MYO9A: variants seen among roughly 807,000 people sequenced by gnomAD.
MYO9A encodes the protein myosin IXA.
In MYO9A, 103 loss-of-function variants were observed where a neutral mutation model predicts 293.3. The ratio of observed to expected loss-of-function variants is 0.35; its 90% CI spans 0.30 to 0.41. The LOEUF (loss-of-function observed/expected upper bound fraction) is 0.41, where lower values mean the gene tolerates loss of function less well. Among genes scored for constraint, MYO9A ranks in the 10% least tolerant of loss-of-function variants. The probability of loss-of-function intolerance (pLI) is 1.00; values close to 1 mark genes in which losing one functional copy is unlikely to be tolerated. For synonymous variants in MYO9A, 1,001 were observed against 1,035.7 expected (o/e 0.97, Z 0.64); for missense variants, 2,685 against 3,033.0 (o/e 0.89, Z 2.69).
chr15:72,073,010 A>T (rs2079241535), intron 1 of MYO9A, among the ~76,000 whole-genome samples: 2 of 152,234 alleles, frequency 1.3e-5, no homozygotes, highest in South Asian at 4.1e-4. Flanking sequence ...GGACATTATT[A>T]TTCTCTGACC....
At position 71,878,197 on chromosome 15, in the gene MYO9A, A is replaced by G; in HGVS notation, c.5774T>C (p.Leu1925Pro). 2 of 1,601,576 alleles carry G rather than the reference A, an allele frequency of 1.2e-6. No individual in the cohort carries two copies. The highest frequency in any genetic ancestry group is 1.1e-5 in the South Asian group (1 of 88,544). The change falls in exon 31 of 42, where the codon CTC becomes CCC. Residue 1925 changes from leucine (L) to proline (P), a missense_variant. Coordinates refer to ENST00000356056, the MANE Select transcript of MYO9A (RefSeq NM_006901.4). Reference sequence around the variant, plus strand: ...CAGAATCTGTTCAAATAGTGCATAGAGGTCTTTATACCGTATGCTTTTCCC... The same window carrying G: ...CAGAATCTGTTCAAATAGTGCATAGGGGTCTTTATACCGTATGCTTTTCCC... ...DDGKSIRYKD[L>P]YALFEQILEK... is the part of the protein sequence containing the mutation.
intron 1 of MYO9A, among the ~76,000 whole-genome samples, chr15:72,093,125 A>T (rs1363881153): frequency 6.6e-6 from 1 of 152,254 alleles, no homozygotes; most frequent in East Asian, 1.9e-4. Context: ...AAAATTTCAG[A>T]TATTAGAAAA....
At chr15:71,865,981 C>T (rs1338732222) in intron 32 of MYO9A, among the ~76,000 whole-genome samples, 1 of 152,108 alleles carries the variant, frequency 6.6e-6, no homozygotes, top group Non-Finnish European at 1.5e-5. Context: ...ATATAATTAA[C>T]GTTTTTATTA....
intron 13 of MYO9A, among the ~76,000 whole-genome samples, chr15:71,961,167 T>C (rs2075729825): frequency 6.6e-6 from 1 of 152,220 alleles, no homozygotes; most frequent in African/African-American, 2.4e-5. Flanking sequence ...TAAGAACTGC[T>C]AGTAACTTGG....
Position 72,045,903 on chromosome 15 carries a change from C to T in MYO9A, c.661G>A (p.Val221Ile). The T allele has an allele frequency of 6.2e-7, 1 of 1,614,112 alleles. No individual in the cohort carries two copies. The highest frequency in any genetic ancestry group is 8.5e-7 in the Non-Finnish European group (1 of 1,180,024). ...LEPHIYAVADVAYHAMLQRKK... is the reference protein window; with the variant it reads ...LEPHIYAVADIAYHAMLQRKK... ...CGCTGAAGCATGGCATGATAAGCTA[C>T]ATCAGCCACAGCATAAATGTGGGGC... The change falls in exon 2 of 42, where the codon GTA (valine) becomes ATA (isoleucine). Residue 221 changes from valine to isoleucine, a missense_variant. This residue lies in a region of MYO9A where 289 missense variants were observed against 456.8 expected (regional missense o/e 0.63). Transcript: ENST00000356056.
At chr15:71,992,675 A>G (rs1221226214) in intron 10 of MYO9A, among the ~76,000 whole-genome samples, 1 of 152,136 alleles carries the variant, frequency 6.6e-6, no homozygotes, top group East Asian at 1.9e-4. Flanking sequence ...TGACATTTTT[A>G]ATCAGTCTGA....
In MYO9A at chr15:72,043,428, AAAC is replaced by A. The variant is rs1266674040; in HGVS notation, c.840+2293_840+2295del. ...CTTGAATGTAATAGCCAAAAATTAA[AAAC>A]AACCCATATATCCATCAATGAGTGA... On this transcript the variant is annotated intron_variant, in intron 2 of 41. Coordinates refer to ENST00000356056, the MANE Select transcript of MYO9A (RefSeq NM_006901.4). 8.5e-5 allele frequency among the ~76,000 whole-genome samples: 13 copies of A among 152,188 alleles called. No homozygotes were observed. The East Asian group carries it at 1.7e-3, about 20-fold the overall frequency.
At chr15:71,888,149 C>A in intron 26 of MYO9A, 33 bp from the exon 27 acceptor site, 1 of 1,208,746 alleles carries the variant, frequency 8.3e-7, no homozygotes, top group Non-Finnish European at 1.2e-6. Context: ...AGATTTAATG[C>A]CAAGTAAATA....
intron 2 of MYO9A, among the ~76,000 whole-genome samples, chr15:72,039,119 G>A (rs541777750): frequency 5.9e-5 from 9 of 152,070 alleles, no homozygotes; most frequent in Admixed American, 1.3e-4. Context: ...AAAATATTTC[G>A]AATTATTTAT....
chr15:71,839,690 A>G (rs1230419533), intron 39 of MYO9A, among the ~76,000 whole-genome samples: 2 of 152,110 alleles, frequency 1.3e-5, no homozygotes, highest in African/African-American at 2.4e-5. Context: ...GATTATAGGC[A>G]TGAACTACTG....
At chr15:72,033,446 G>A (rs757061867) in intron 2 of MYO9A, among the ~76,000 whole-genome samples, 2 of 151,954 alleles carry the variant, frequency 1.3e-5, no homozygotes, top group East Asian at 1.9e-4. Context: ...TTCCTAAATC[G>A]TCACCCAAAG....
At chr15:71,828,923 A>G (rs1470647525) in intron 40 of MYO9A, among the ~76,000 whole-genome samples, 3 of 152,026 alleles carry the variant, frequency 2.0e-5, no homozygotes, top group Non-Finnish European at 2.9e-5. Flanking sequence ...TCACCTTCTA[A>G]TCAAGTCTCT....
Position 71,824,081 on chromosome 15 carries a change from G to A in MYO9A, c.*2499C>T, listed in dbSNP as rs1278887844. 6.6e-6 allele frequency: 1 copy of A among 152,120 alleles called. No individual in the cohort carries two copies. Among genetic ancestry groups the A allele is most frequent in the Admixed American group, 6.5e-5 (1 of 15,272 alleles). 9.4% of individuals were successfully genotyped at this position (152,120 alleles called of 1,614,324 possible). On this transcript the variant is annotated 3_prime_UTR_variant, in exon 42 of 42. Transcript: ENST00000356056. ...GTAAACAACGGCTTTCCCTCAAAGG[G>A]AGGGCCCCACACTGCTCTCCACTCT...
intron 19 of MYO9A, among the ~76,000 whole-genome samples, chr15:71,915,130 AT>A (rs1462534874): frequency 2.0e-5 from 3 of 152,176 alleles, no homozygotes; most frequent in African/African-American, 7.2e-5. Flanking sequence ...TATGTTGTAT[AT>A]TAATAAACTT....
At chr15:72,101,209 C>G (rs1188716608) in intron 1 of MYO9A, among the ~76,000 whole-genome samples, 1 of 134,068 alleles carries the variant, frequency 7.5e-6, no homozygotes, top group Non-Finnish European at 1.6e-5. Flanking sequence ...AGGAGCCCCT[C>G]TGCCCGGCCA....
chr15:72,101,283 G>C (rs1434587249), intron 1 of MYO9A, among the ~76,000 whole-genome samples: 1 of 139,854 alleles, frequency 7.2e-6, no homozygotes, highest in East Asian at 2.3e-4. Context: ...CCCCGTCAGG[G>C]AGGGAGGTGG....
chr15:72,040,576 T>C (rs2929517), intron 2 of MYO9A, among the ~76,000 whole-genome samples: 2 of 152,122 alleles, frequency 1.3e-5, no homozygotes, highest in East Asian at 1.9e-4. Context: ...TAATCTTTCC[T>C]GGTCGTGTGA....
chr15:72,016,154 T>C (rs553285910), intron 6 of MYO9A, among the ~76,000 whole-genome samples: 2 of 152,308 alleles, frequency 1.3e-5, no homozygotes, highest in South Asian at 4.1e-4. Context: ...GAAATTAACA[T>C]TTATTAAATA....
At chr15:71,833,630 C>T (rs2140747010) in intron 39 of MYO9A, among the ~76,000 whole-genome samples, 1 of 152,198 alleles carries the variant, frequency 6.6e-6, no homozygotes, top group Non-Finnish European at 1.5e-5. Flanking sequence ...CTAGAGAATA[C>T]TCATTTTAAA....
Sources: gnomAD v4.1 joint callset for allele counts (sites outside exome capture counted in the v4.1 genomes callset) on GRCh38, gnomAD v4.1.1 for gene constraint, gnomAD v4.1.1 regional missense constraint, MANE v1.5 for transcripts, NCBI Gene and HGNC (gene_info 2026-07-23, HGNC 2026-07-21) for gene names.